The following CAP2 variants were observed in gnomAD, a reference collection of about 807,000 sequenced individuals.
CAP2 encodes the protein cyclase associated actin cytoskeleton regulatory protein 2, also known as adenylyl cyclase-associated protein 2.
In CAP2, 24 loss-of-function variants were observed where a neutral mutation model predicts 57.7. The ratio of observed to expected loss-of-function variants is 0.42; its 90% confidence interval spans 0.30 to 0.58. The LOEUF (loss-of-function observed/expected upper bound fraction) is 0.58. Among genes scored for constraint, CAP2 ranks in the 20% least tolerant of loss-of-function variants. CAP2 has a pLI of 0.22. For missense variants in CAP2, 501 were observed against 590.3 expected, an observed-to-expected ratio of 0.85 and a Z score of 1.57; for synonymous variants, 194 against 207.2, an observed-to-expected ratio of 0.94 and a Z score of 0.55.
At chr6:17,444,043 C>T (rs1760173553) in intron 3 of CAP2, among the ~76,000 whole-genome samples, 2 of 152,160 alleles carry the variant, frequency 1.3e-5, no homozygotes, top group Non-Finnish European at 2.9e-5. Flanking sequence ...TGATACTTGA[C>T]TTTCAATTGC....
At position 17,557,522 on chromosome 6, in the gene CAP2, G is replaced by A. The variant is rs1444293769; in HGVS notation, c.*1080G>A. 1 of 152,038 alleles carries A rather than the reference G, an allele frequency of 6.6e-6. No individual in the cohort carries two copies. Among genetic ancestry groups the A allele is most frequent in the Non-Finnish European group, 1.5e-5 (1 of 68,012 alleles). 9.4% of individuals were successfully genotyped at this position (152,038 alleles called of 1,614,324 possible). The stretch of plus-strand genomic sequence containing the variant: ...AGTGCTGAAAAATCTGCAACTTCTT[G>A]GATCATATTTAATGAATTATAGTAT... On this transcript the variant is annotated 3_prime_UTR_variant, in exon 13 of 13. Transcript: ENST00000229922.
At chr6:17,500,600 T>A (rs1240771943) in intron 4 of CAP2, among the ~76,000 whole-genome samples, 1 of 151,898 alleles carries the variant, frequency 6.6e-6, no homozygotes, top group African/African-American at 2.4e-5. Context: ...TAAAGCTTCT[T>A]CCCTGATTGG....
chr6:17,471,132 G>A (rs115612205), intron 4 of CAP2, among the ~76,000 whole-genome samples: 2,809 of 152,292 alleles, frequency 0.018, 51 homozygotes, highest in Non-Finnish European at 0.03. Flanking sequence ...CTTGGTGCTA[G>A]TGGCAGGTCT....
chr6:17,532,134 CTTTTTTTT>C (rs35428314), intron 7 of CAP2, among the ~76,000 whole-genome samples: 70 of 86,026 alleles, frequency 8.1e-4, no homozygotes, highest in African/African-American at 3.2e-3. Flanking sequence ...GTTTGAAAAT[CTTTTTTTT>C]TTTTTTTTTT....
intron 4 of CAP2, among the ~76,000 whole-genome samples, chr6:17,475,417 G>A (rs1255987802): frequency 2.0e-5 from 3 of 152,164 alleles, no homozygotes; most frequent in South Asian, 2.1e-4. Context: ...TTCCTTATGG[G>A]AAATGGGAAG....
At position 17,513,983 on chromosome 6, in the gene CAP2, TA is replaced by T. The variant is rs750901404; in HGVS notation, c.636+36del. On this transcript the variant is annotated intron_variant, in intron 7 of 12. Transcript: ENST00000229922. The surrounding 1 kb of genome is among the most constrained non-coding windows in gnomAD (Gnocchi z 4.3). ...AGTACGAGGCCTTCCTCCACGTGTG[TA>T]AAAAAAGGCCATGACTATATATACA... is the stretch of plus-strand genomic sequence containing the variant. 11 of 1,355,642 alleles carry T rather than the reference TA, an allele frequency of 8.1e-6. No individual in the cohort carries two copies. Among genetic ancestry groups the T allele is most frequent in the African/African-American group, 1.4e-5 (1 of 69,732 alleles). 84.0% of individuals were successfully genotyped at this position (1,355,642 alleles called of 1,614,324 possible).
intron 1 of CAP2, among the ~76,000 whole-genome samples, chr6:17,409,998 G>A (rs7763200): frequency 0.1 from 15,398 of 152,066 alleles, 2,609 homozygotes; most frequent in African/African-American, 0.35. Flanking sequence ...AGCTCCTGGC[G>A]CATAATGAAT....
intron 3 of CAP2, among the ~76,000 whole-genome samples, chr6:17,429,938 G>A (rs1231710932): frequency 6.6e-6 from 1 of 152,164 alleles, no homozygotes; most frequent in Non-Finnish European, 1.5e-5. Flanking sequence ...GCCAGAAGTG[G>A]GGGTTGAACT....
intron 7 of CAP2, chr6:17,531,242 C>T (rs1762632119): frequency 1.3e-6 from 1 of 790,620 alleles, no homozygotes; most frequent in Non-Finnish European, 2.3e-6. Context: ...CTACAATCCT[C>T]AGCATGTTAA....
chr6:17,477,316 C>T (rs1022436240), intron 4 of CAP2, among the ~76,000 whole-genome samples: 6 of 152,226 alleles, frequency 3.9e-5, no homozygotes, highest in Non-Finnish European at 8.8e-5. Flanking sequence ...GCATGTCATC[C>T]GGCCACTTTC....
chr6:17,426,915 G>A (rs750397949), intron 3 of CAP2, among the ~76,000 whole-genome samples: 1 of 152,150 alleles, frequency 6.6e-6, no homozygotes, highest in Non-Finnish European at 1.5e-5. Flanking sequence ...AGGAGCATGG[G>A]GATGAACAAG....
At chr6:17,440,210 G>T (rs1465919862) in intron 3 of CAP2, among the ~76,000 whole-genome samples, 3 of 151,632 alleles carry the variant, frequency 2.0e-5, no homozygotes, top group African/African-American at 7.3e-5. Context: ...GTAGGATTAA[G>T]TTTTTCTGCA....
intron 3 of CAP2, among the ~76,000 whole-genome samples, chr6:17,426,897 T>C (rs1759605139): frequency 1.3e-5 from 2 of 152,236 alleles, no homozygotes; most frequent in Admixed American, 1.3e-4. Context: ...AGCACTGCTC[T>C]GGAAGCTAGG....
intron 7 of CAP2, among the ~76,000 whole-genome samples, chr6:17,514,216 A>G (rs1272847557): frequency 6.6e-6 from 1 of 152,028 alleles, no homozygotes; most frequent in East Asian, 1.9e-4. Context: ...TATAAAAATT[A>G]GCCAGGCATG....
chr6:17,532,185 G>C (rs561097593), intron 7 of CAP2, among the ~76,000 whole-genome samples: 7 of 130,608 alleles, frequency 5.4e-5, no homozygotes, highest in Non-Finnish European at 9.2e-5. Context: ...CTATCCCCCA[G>C]GCAGGAGTGC....
chr6:17,526,120 C>CTTTTTTTTTTT (rs1372740605), intron 7 of CAP2, among the ~76,000 whole-genome samples: 1 of 142,318 alleles, frequency 7.0e-6, no homozygotes. Flanking sequence ...GAAAATGTGT[C>CTTTTTTTTTTT]TTTTTTTTTT....
At chr6:17,467,587 T>C (rs1760900339) in intron 4 of CAP2, among the ~76,000 whole-genome samples, 1 of 152,098 alleles carries the variant, frequency 6.6e-6, no homozygotes. Context: ...GCAGTGGCGC[T>C]ACCTTGGCTC....
rs1763170714 is a variant in CAP2, at chr6:17,551,518, T to C, written c.1264T>C (p.Tyr422His). ...TAATAAGACAGAAGGTTGCCACATA[T>C]ACCTCAGTGAAGATGCATTAGACTG... ...SINKTEGCHI[Y>H]LSEDALDCEI... The change falls in exon 12 of 13, where the codon TAC becomes CAC. Residue 422 changes from tyrosine to histidine, a missense_variant. Physicochemically the swap from Tyr to His is moderately conservative, Grantham distance 83. Transcript: ENST00000229922. 4 of 1,610,766 alleles carry C rather than the reference T, an allele frequency of 2.5e-6. No individual in the cohort carries two copies. Among genetic ancestry groups the C allele is most frequent in the East Asian group, 2.2e-5 (1 of 44,838 alleles).
chr6:17,440,882 C>G (rs6934531), intron 3 of CAP2, among the ~76,000 whole-genome samples: 96,892 of 150,540 alleles, frequency 0.64, 32,972 homozygotes, highest in East Asian at 0.86. Flanking sequence ...CAAGTGTTCT[C>G]TTTGTTCAGT....
Sources: allele counts gnomAD v4.1 joint callset (sites outside exome capture counted in the v4.1 genomes callset), GRCh38; gene constraint gnomAD v4.1.1; non-coding constraint Gnocchi (gnomAD v3.1); transcripts MANE v1.5; gene names NCBI Gene and HGNC (gene_info 2026-07-23, HGNC 2026-07-21).